BAZ1B: variants seen among roughly 807,000 people sequenced by gnomAD.
The protein encoded by BAZ1B is tyrosine-protein kinase BAZ1B.
A neutral mutation model predicts 153.8 loss-of-function variants in BAZ1B; 22 were observed. That is an observed-to-expected ratio of 0.14 (90% CI 0.10 to 0.20). BAZ1B has a LOEUF of 0.20. Among genes scored for constraint, BAZ1B ranks in the 10% least tolerant of loss-of-function variants. The probability of loss-of-function intolerance (pLI) is 1.00; values close to 1 mark genes in which losing one functional copy is unlikely to be tolerated. For synonymous variants in BAZ1B, 676 were observed against 633.4 expected, an observed-to-expected ratio of 1.07 and a Z score of -1.01; for missense variants, 1,325 against 1,799.3, an observed-to-expected ratio of 0.74 and a Z score of 4.77.
In BAZ1B at chr7:73,477,655, C is replaced by A; in HGVS notation, c.1806G>T (p.Leu602=). ...AFRLVDTPEG[L]PNTLFGDVAM... is the part of the protein sequence containing the mutation. ...CCACATCCCCAAACAGCGTGTTGGGCAGCCCTTCAGGGGTATCCACCAATC... is the reference window on the plus strand; with the variant it reads ...CCACATCCCCAAACAGCGTGTTGGGAAGCCCTTCAGGGGTATCCACCAATC... Residue 602 remains leucine, a synonymous_variant, in exon 7 of 20, where the codon CTG becomes CTT. Transcript: ENST00000339594. The surrounding 1 kb of genome is among the most constrained non-coding windows in gnomAD (Gnocchi z 5.6). 1 of 1,614,212 alleles carries A rather than the reference C, an allele frequency of 6.2e-7. No homozygotes were observed. Among genetic ancestry groups the A allele is most frequent in the Non-Finnish European group, 8.5e-7 (1 of 1,180,032 alleles).
At chr7:73,484,914 C>T (rs1554574270) in intron 6 of BAZ1B, among the ~76,000 whole-genome samples, 1 of 152,136 alleles carries the variant, frequency 6.6e-6, no homozygotes, top group African/African-American at 2.4e-5. Context: ...TAAATGTGAA[C>T]ATGTGACACA....
chr7:73,448,731 G>A (rs1487949380), intron 15 of BAZ1B, among the ~76,000 whole-genome samples: 1 of 152,156 alleles, frequency 6.6e-6, no homozygotes, highest in African/African-American at 2.4e-5. Context: ...AACAACAAAC[G>A]GTCTGTAACA....
chr7:73,510,943 TCTC>T, intron 1 of BAZ1B, 91 bp from the exon 2 acceptor site: 1 of 1,058,982 alleles, frequency 9.4e-7, no homozygotes, highest in East Asian at 2.4e-5. Context: ...AAAAATCTAG[TCTC>T]CTTTTTAAAA....
At chr7:73,459,760 G>A in intron 12 of BAZ1B, 42 bp from the exon 13 acceptor site, 3 of 1,528,100 alleles carry the variant, frequency 2.0e-6, no homozygotes, top group Non-Finnish European at 2.6e-6. Flanking sequence ...AAAAGGCCCA[G>A]AGGAAGACGA....
chr7:73,512,404 T>G (rs1583956900), intron 1 of BAZ1B, among the ~76,000 whole-genome samples: 1 of 152,128 alleles, frequency 6.6e-6, no homozygotes, highest in African/African-American at 2.4e-5. Flanking sequence ...GCTACCCTGG[T>G]TTAAAAAATA....
At chr7:73,465,296 C>T (rs1193622084) in intron 11 of BAZ1B, 143 bp downstream of exon 11, 42 of 512,160 alleles carry the variant, frequency 8.2e-5, no homozygotes, top group Non-Finnish European at 1.1e-4. Flanking sequence ...CAAGAAAATA[C>T]CAGGCAATAT....
At chr7:73,484,683 T>C (rs568723280) in intron 6 of BAZ1B, among the ~76,000 whole-genome samples, 5 of 152,312 alleles carry the variant, frequency 3.3e-5, no homozygotes, top group African/African-American at 1.2e-4. Flanking sequence ...CTATGAGTAA[T>C]GGACAAAATT....
chr7:73,520,210 C>CAAAA (rs1158487602), intron 1 of BAZ1B, among the ~76,000 whole-genome samples: 1 of 57,380 alleles, frequency 1.7e-5, no homozygotes, highest in African/African-American at 6.2e-5. Flanking sequence ...AACTCCGTCT[C>CAAAA]AAAAAAAAAA....
At chr7:73,485,674 T>C (rs568684064) in intron 6 of BAZ1B, among the ~76,000 whole-genome samples, 5 of 148,878 alleles carry the variant, frequency 3.4e-5, no homozygotes, top group African/African-American at 1.2e-4. Flanking sequence ...ATATGATAAA[T>C]GTTAACATCT....
chr7:73,478,958 C>T (rs782533430), intron 6 of BAZ1B, among the ~76,000 whole-genome samples: 1 of 152,134 alleles, frequency 6.6e-6, no homozygotes, highest in Non-Finnish European at 1.5e-5. Context: ...TACAAAATGG[C>T]AATATCTGAA....
intron 6 of BAZ1B, among the ~76,000 whole-genome samples, chr7:73,479,128 G>GTT (rs1198701458): frequency 4.0e-5 from 6 of 149,450 alleles, no homozygotes; most frequent in Non-Finnish European, 7.4e-5. Flanking sequence ...ATCAGTGAGT[G>GTT]TAAGAACAAC....
At chr7:73,466,258 G>A in intron 10 of BAZ1B, 38 bp downstream of exon 10, 1 of 1,447,758 alleles carries the variant, frequency 6.9e-7, no homozygotes, top group Non-Finnish European at 9.7e-7. Context: ...ACAATTAAAA[G>A]GAAAAAGAAA....
intron 17 of BAZ1B, among the ~76,000 whole-genome samples, chr7:73,443,681 C>A (rs1011994340): frequency 2.6e-5 from 4 of 152,188 alleles, no homozygotes; most frequent in Admixed American, 2.0e-4. Context: ...ACAATGAAGA[C>A]CCAGCCCCTC....
chr7:73,459,800 C>T, intron 12 of BAZ1B, 82 bp from the exon 13 acceptor site: 2 of 1,266,668 alleles, frequency 1.6e-6, no homozygotes, highest in East Asian at 4.7e-5. Flanking sequence ...TCAAATAAAT[C>T]TAGACTCAAA....
intron 1 of BAZ1B, among the ~76,000 whole-genome samples, chr7:73,514,719 T>C (rs1790725444): frequency 6.6e-6 from 1 of 151,716 alleles, no homozygotes; most frequent in African/African-American, 2.4e-5. Context: ...GGTGGGAGGA[T>C]CACTTGAGCC....
intron 6 of BAZ1B, among the ~76,000 whole-genome samples, chr7:73,485,015 ATAGAT>A (rs1323308166): frequency 6.6e-6 from 1 of 152,186 alleles, no homozygotes; most frequent in Non-Finnish European, 1.5e-5. Flanking sequence ...AGTAAAAACT[ATAGAT>A]TAGATAATAG....
At chr7:73,485,537 G>A (rs1375377832) in intron 6 of BAZ1B, among the ~76,000 whole-genome samples, 1 of 151,132 alleles carries the variant, frequency 6.6e-6, no homozygotes, top group East Asian at 2.0e-4. Context: ...GAGGTGGGAG[G>A]ACTGCTTGAG....
intron 7 of BAZ1B, among the ~76,000 whole-genome samples, chr7:73,475,960 G>A (rs963799256): frequency 6.6e-6 from 1 of 150,960 alleles, no homozygotes; most frequent in Admixed American, 6.6e-5. Context: ...GAACTAAATA[G>A]AGGTGGTCTA....
chr7:73,493,532 T>C (rs1206267403), intron 4 of BAZ1B, among the ~76,000 whole-genome samples: 1 of 150,242 alleles, frequency 6.7e-6, no homozygotes, highest in Non-Finnish European at 1.5e-5. Flanking sequence ...GGAAGGTAGG[T>C]AGAAAGATGA....
Sources: gnomAD v4.1 joint callset for allele counts (sites outside exome capture counted in the v4.1 genomes callset) on GRCh38, gnomAD v4.1.1 for gene constraint, Gnocchi (gnomAD v3.1) non-coding constraint, MANE v1.5 for transcripts, NCBI Gene and HGNC (gene_info 2026-07-23, HGNC 2026-07-21) for gene names.